The following ECI1 variants were observed in gnomAD, a reference collection of about 807,000 sequenced individuals.
The protein encoded by ECI1 is enoyl-CoA delta isomerase 1.
A neutral mutation model predicts 34.2 loss-of-function variants in ECI1; 34 were observed. That is an observed-to-expected ratio of 1.00 (90% confidence interval 0.76 to 1.33). The LOEUF is 1.33. Ranked by LOEUF, ECI1 falls within the 40% of genes most tolerant of loss-of-function variation. The probability of loss-of-function intolerance (pLI) is 0.00; values close to 1 mark genes in which losing one functional copy is unlikely to be tolerated. For missense variants in ECI1, 456 were observed against 422.2 expected (o/e 1.08, Z -0.70); for synonymous variants, 211 against 193.0 (o/e 1.09, Z -0.77).
chr16:2,251,543 T>G lies in ECI1; in HGVS notation c.24A>C (p.Arg8=), dbSNP rs1464762539. The G allele has an allele frequency of 6.4e-7, 1 of 1,560,610 alleles. No individual in the cohort carries two copies. Among genetic ancestry groups the G allele is most frequent in the Non-Finnish European group, 8.7e-7 (1 of 1,153,492 alleles). The change falls in exon 1 of 7, where the codon CGA becomes CGC. Residue 8 remains arginine (R), a synonymous_variant. Coordinates refer to ENST00000301729, the MANE Select transcript of ECI1 (RefSeq NM_001919.4). ...CGCGGAGCAGAACGCGCGCCGGGAC[T>G]CGCACAGAAGCCACCAGCGCCATCT... MALVASV[R]VPARVLLRAG...
intron 6 of ECI1, chr16:2,240,384 T>G (rs1021681028): frequency 2.1e-6 from 1 of 471,476 alleles, no homozygotes; most frequent in Non-Finnish European, 3.9e-6. Flanking sequence ...GCTAATTTTG[T>G]ATTTTTAGTA....
At chr16:2,244,034 G>A in intron 4 of ECI1, 1 of 361,286 alleles carries the variant, frequency 2.8e-6, no homozygotes, top group South Asian at 2.3e-5. Context: ...CTGAGGTTAA[G>A]CCCCCGTGTT....
chr16:2,246,790 G>A (rs2093541241), intron 3 of ECI1, 69 bp downstream of exon 3: 1 of 1,607,156 alleles, frequency 6.2e-7, no homozygotes, highest in Non-Finnish European at 8.5e-7. Context: ...TGTGCAACAG[G>A]CCTGGGCTCA....
At position 2,244,523 on chromosome 16, in the gene ECI1, C is replaced by A. The variant is rs756441804; in HGVS notation, c.324G>T (p.Leu108=). The part of the protein sequence containing the change: ...SDRPGVFSAG[L]DLTEMCGRSP... ...TCCTCCCACACATCTCCGTCAGGTC[C>A]AGGCCGGCCGAGAAGACACCCGGGC... The change falls in exon 4 of 7, where the codon CTG becomes CTT. Residue 108 remains leucine (L), a synonymous_variant. Coordinates refer to ENST00000301729, the MANE Select transcript of ECI1 (RefSeq NM_001919.4). The A allele has an allele frequency of 1.8e-5, 28 of 1,595,706 alleles. No homozygotes were observed. The highest frequency in any genetic ancestry group is 1.3e-5 in the African/African-American group (1 of 74,648).
rs773793866 is a variant in ECI1, at chr16:2,244,430, G to T, written c.417C>A (p.Asn139Lys). 2 of 1,612,442 alleles carry T rather than the reference G, an allele frequency of 1.2e-6. No individual in the cohort carries two copies. Among genetic ancestry groups the T allele is most frequent in the Non-Finnish European group, 1.7e-6 (2 of 1,179,816 alleles). Residue 139 changes from asparagine to lysine, a missense_variant, in exon 4 of 7, where the codon AAC becomes AAA. Physicochemically the swap from Asn to Lys is moderately conservative, Grantham distance 94. Coordinates refer to ENST00000301729, the MANE Select transcript of ECI1 (RefSeq NM_001919.4). ...CGTTGATGGCGGAGACCAGCACCAG[G>T]TTGGACTGGTACAACCGCAGCCACA... ...QELWLRLYQS[N>K]LVLVSAINGA...
At chr16:2,247,916 C>T (rs2093544042) in intron 2 of ECI1, among the ~76,000 whole-genome samples, 1 of 151,418 alleles carries the variant, frequency 6.6e-6, no homozygotes, top group Non-Finnish European at 1.5e-5. Context: ...ATTTTGTTGC[C>T]CAGGCTGGTC....
chr16:2,246,202 C>T (rs1217521756), intron 3 of ECI1, among the ~76,000 whole-genome samples: 3 of 152,244 alleles, frequency 2.0e-5, no homozygotes, highest in African/African-American at 7.2e-5. Flanking sequence ...GATGACACGC[C>T]TAGCGTTCGC....
chr16:2,244,300 G>C, intron 4 of ECI1, 106 bp downstream of exon 4: 2 of 1,354,482 alleles, frequency 1.5e-6, no homozygotes, highest in Non-Finnish European at 2.1e-6. Flanking sequence ...CTCTCCAACC[G>C]TCCCCTTCCC....
At chr16:2,242,939 G>T in intron 6 of ECI1, 107 bp downstream of exon 6, 1 of 894,754 alleles carries the variant, frequency 1.1e-6, no homozygotes. Flanking sequence ...ACATGGCTGT[G>T]ATTATCAACA....
intron 2 of ECI1, 115 bp from the exon 3 acceptor site, chr16:2,247,101 A>C: frequency 7.7e-7 from 1 of 1,305,990 alleles, no homozygotes; most frequent in Non-Finnish European, 1.1e-6. Context: ...TTTATTTATT[A>C]ATTTATTTAT....
intron 2 of ECI1, among the ~76,000 whole-genome samples, chr16:2,249,095 G>A (rs1567315104): frequency 2.0e-5 from 3 of 151,976 alleles, no homozygotes; most frequent in Non-Finnish European, 4.4e-5. Context: ...GCCCAGGCTG[G>A]AGTGCAGTGG....
chr16:2,251,184 TTC>T (rs1375064227), intron 2 of ECI1, 130 bp downstream of exon 2: 2 of 295,436 alleles, frequency 6.8e-6, no homozygotes, highest in Non-Finnish European at 1.1e-5. Flanking sequence ...AGCGGCAAGG[TTC>T]TGTTTCGAAA....
At chr16:2,250,002 CCT>C (rs1354636101) in intron 2 of ECI1, among the ~76,000 whole-genome samples, 1 of 146,562 alleles carries the variant, frequency 6.8e-6, no homozygotes, top group Non-Finnish European at 1.5e-5. Flanking sequence ...ACAGAGGGAG[CCT>C]CTGTCTCAAA....
At chr16:2,240,255 A>C (rs2093524992) in intron 6 of ECI1, 110 bp from the exon 7 acceptor site, 1 of 1,229,796 alleles carries the variant, frequency 8.1e-7, no homozygotes, top group African/African-American at 1.5e-5. Context: ...TCTGTCGCCC[A>C]GGCTGGAGTG....
chr16:2,242,913 C>T (rs2093531022), intron 6 of ECI1, 133 bp downstream of exon 6: 1 of 744,650 alleles, frequency 1.3e-6, no homozygotes, highest in African/African-American at 1.7e-5. Context: ...GTTGTTACAG[C>T]AGCCTCCTGA....
chr16:2,251,515 C>T lies in ECI1; in HGVS notation c.52G>A (p.Gly18Arg), dbSNP rs772827843. The T allele has an allele frequency of 7.1e-6, 11 of 1,559,462 alleles. No homozygotes were observed. The highest frequency in any genetic ancestry group is 4.8e-5 in the East Asian group (2 of 41,596). ...TCCCTGCCCACCCCGGGTTTCGCAC[C>T]CGCGCGGAGCAGAACGCGCGCCGGG... ...RVPARVLLRA[G>R]ARLPGAALGR... Residue 18 changes from glycine (G) to arginine (R), a missense_variant and splice_region_variant, in exon 1 of 7, where the codon GGG (glycine) becomes AGG (arginine). Transcript: ENST00000301729.
chr16:2,247,806 C>A (rs963268637), intron 2 of ECI1, among the ~76,000 whole-genome samples: 2 of 152,078 alleles, frequency 1.3e-5, no homozygotes, highest in African/African-American at 2.4e-5. Context: ...TCCTGGGCTC[C>A]AGCGATCCTC....
At position 2,243,144 on chromosome 16, in the gene ECI1, G is replaced by A. The variant is rs768697158; in HGVS notation, c.644C>T (p.Ala215Val). The A allele has an allele frequency of 2.6e-5, 41 of 1,606,606 alleles. No individual in the cohort carries two copies. Among genetic ancestry groups the A allele is most frequent in the South Asian group, 9.9e-5 (9 of 91,056 alleles). Residue 215 changes from alanine (A) to valine (V), a missense_variant, in exon 6 of 7, where the codon GCG (alanine) becomes GTG (valine). By Grantham distance (64) the Ala-to-Val change is moderately conservative. Transcript: ENST00000301729. ...ALQLGLLFPP[A>V]EALQVGIVDQ... ...CACTATGCCCACCTGCAGGGCCTCC[G>A]CCGGCGGGAAGAGCAGCCCCAGCTG... is the stretch of plus-strand genomic sequence containing the variant.
chr16:2,243,633 C>G (rs530580529), intron 4 of ECI1, among the ~76,000 whole-genome samples, 194 bp from the exon 5 acceptor site: 7 of 152,166 alleles, frequency 4.6e-5, no homozygotes, highest in African/African-American at 9.7e-5. Context: ...CCTTAGCGCT[C>G]GGCAAGGAGG....
Sources: allele counts gnomAD v4.1 joint callset (sites outside exome capture counted in the v4.1 genomes callset), GRCh38; gene constraint gnomAD v4.1.1; transcripts MANE v1.5; gene names NCBI Gene and HGNC (gene_info 2026-07-23, HGNC 2026-07-21).